Variants in CHRNB2 observed in about 807,000 individuals in gnomAD.
CHRNB2 encodes neuronal acetylcholine receptor subunit beta-2.
In CHRNB2, 33 loss-of-function variants were observed where a neutral mutation model predicts 42.7. The ratio of observed to expected loss-of-function variants is 0.77; its 90% CI spans 0.59 to 1.03. The LOEUF is 1.03. Among genes scored for constraint, CHRNB2 ranks in the 50% least tolerant of loss-of-function variants. The pLI is 0.00. For missense variants in CHRNB2, 603 were observed against 700.9 expected, an observed-to-expected ratio of 0.86 and a Z score of 1.58; for synonymous variants, 325 against 292.9, an observed-to-expected ratio of 1.11 and a Z score of -1.12.
At chr1:154,568,942 C>T (rs531969995) in intron 1 of CHRNB2, among the ~76,000 whole-genome samples, 7 of 151,870 alleles carry the variant, frequency 4.6e-5, no homozygotes, top group East Asian at 2.0e-4. Context: ...CATGTCATTA[C>T]GTGAGGCACA....
Position 154,570,240 on chromosome 1 carries a change from C to T in CHRNB2, c.256-18C>T. The T allele has an allele frequency of 6.4e-7, 1 of 1,561,742 alleles. No individual in the cohort carries two copies. The highest frequency in any genetic ancestry group is 8.8e-7 in the Non-Finnish European group (1 of 1,136,880). On this transcript the variant is annotated intron_variant, in intron 3 of 5. Transcript: ENST00000368476. Reference sequence around the variant, plus strand: ...CCCAGGGCACAAGTTGGTACTGCCTCCCTCTCTCATTTCCCAGGAGTGGGA... The same window carrying T: ...CCCAGGGCACAAGTTGGTACTGCCTTCCTCTCTCATTTCCCAGGAGTGGGA...
At chr1:154,569,895 C>G (rs1204127083) in intron 3 of CHRNB2, 59 bp downstream of exon 3, 2 of 1,593,540 alleles carry the variant, frequency 1.3e-6, no homozygotes, top group African/African-American at 2.7e-5. Flanking sequence ...TCCTTTTTCC[C>G]CATGTGCTTT....
chr1:154,568,252 G>A (rs1452854537), intron 1 of CHRNB2, 144 bp downstream of exon 1: 2 of 1,001,242 alleles, frequency 2.0e-6, no homozygotes, highest in East Asian at 2.7e-5. Flanking sequence ...GGTTAGGGGA[G>A]AGCCCCCCGG....
chr1:154,569,902 C>CT lies in CHRNB2; in HGVS notation c.255+72dup, dbSNP rs1038719447. The CT allele has an allele frequency of 8.2e-6, 13 of 1,577,712 alleles. No individual in the cohort carries two copies. The Admixed American group carries it at 2.0e-4, about 24-fold the overall frequency. Reference sequence around the variant, plus strand: ...CTCTCTCCTCCTTTTTCCCCATGTGCTTTTTTCTTTCTTAATCTCTCAAAA... The same window carrying CT: ...CTCTCTCCTCCTTTTTCCCCATGTGCTTTTTTTCTTTCTTAATCTCTCAAAA... On this transcript the variant is annotated intron_variant, in intron 3 of 5. Coordinates refer to ENST00000368476, the MANE Select transcript of CHRNB2 (RefSeq NM_000748.3).
chr1:154,575,305 G>A (rs1696250861), intron 5 of CHRNB2, among the ~76,000 whole-genome samples: 1 of 152,218 alleles, frequency 6.6e-6, no homozygotes, highest in Non-Finnish European at 1.5e-5. Context: ...AGTGCAGAGG[G>A]AACCCAGAGC....
intron 5 of CHRNB2, among the ~76,000 whole-genome samples, chr1:154,574,574 T>C (rs1053441426): frequency 6.6e-6 from 1 of 150,646 alleles, no homozygotes; most frequent in African/African-American, 2.5e-5. Flanking sequence ...GCTGGTTCTC[T>C]CTCACTCATC....
intron 2 of CHRNB2, 29 bp downstream of exon 2, chr1:154,569,636 A>G: frequency 1.2e-6 from 2 of 1,614,018 alleles, no homozygotes; most frequent in East Asian, 2.2e-5. Context: ...CTCTCTGCCC[A>G]GCTACTGAAA....
At position 154,569,488 on chromosome 1, in the gene CHRNB2, C is replaced by CGGCT; in HGVS notation, c.94_97dup (p.Val33AlafsTer23). 1.2e-6 allele frequency: 2 copies of CGGCT among 1,613,774 alleles called. No individual in the cohort carries two copies. Among genetic ancestry groups the CGGCT allele is most frequent in the Non-Finnish European group, 1.7e-6 (2 of 1,179,934 alleles). ...GGTGTGGGGTACGGATACAGAGGAG[C>CGGCT]GGCTGGTGGAGCATCTCCTGGATCC... On this transcript the variant is annotated frameshift_variant, in exon 2 of 6. Transcript: ENST00000368476. LOFTEE classifies it high-confidence loss of function.
intron 5 of CHRNB2, among the ~76,000 whole-genome samples, chr1:154,575,219 T>C (rs1265707079): frequency 6.6e-6 from 1 of 152,194 alleles, no homozygotes; most frequent in Non-Finnish European, 1.5e-5. Flanking sequence ...TAGGAACTTG[T>C]AGCTTAGTAG....
At chr1:154,569,722 G>T in intron 2 of CHRNB2, 70 bp from the exon 3 acceptor site, 1 of 1,612,684 alleles carries the variant, frequency 6.2e-7, no homozygotes, top group Non-Finnish European at 8.5e-7. Flanking sequence ...GGTGTGAGAG[G>T]GACCCTGGGT....
intron 5 of CHRNB2, among the ~76,000 whole-genome samples, chr1:154,573,905 C>G (rs1355166472): frequency 6.6e-6 from 1 of 152,144 alleles, no homozygotes; most frequent in African/African-American, 2.4e-5. Context: ...CCCGCCACCA[C>G]GCCCAGCTAA....
rs1014418263 is a variant in CHRNB2, at chr1:154,571,005, C to G, written c.366-184C>G. On this transcript the variant is annotated intron_variant, in intron 4 of 5. Coordinates refer to ENST00000368476, the MANE Select transcript of CHRNB2 (RefSeq NM_000748.3). This position sits in a 1 kb window ranked among gnomAD's most constrained non-coding sequence, Gnocchi z 6.8. Reference sequence around the variant, plus strand: ...TTCTTCTGGTCACTAACCTTCCCCCCCCTCCCCATATCCCCTTCTTGCTCA... The same window carrying G: ...TTCTTCTGGTCACTAACCTTCCCCCGCCTCCCCATATCCCCTTCTTGCTCA... Among the ~76,000 whole-genome samples the G allele has an allele frequency of 6.6e-6, 1 of 152,106 alleles. No individual in the cohort carries two copies. The highest frequency in any genetic ancestry group is 6.5e-5 in the Admixed American group (1 of 15,272).
intron 5 of CHRNB2, among the ~76,000 whole-genome samples, chr1:154,574,345 C>T (rs553805279): frequency 6.6e-6 from 1 of 152,086 alleles, no homozygotes; most frequent in East Asian, 1.9e-4. Flanking sequence ...TAAATTTTCC[C>T]GATTGTCCCA....
In CHRNB2 at chr1:154,571,603, C is replaced by T. The variant is rs369234693; in HGVS notation, c.780C>T (p.Ser260=). ...CCATCCTTGTCTTCTACCTGCCATC[C>T]GACTGTGGCGAGAAGATGACGTTGT... ...SLAILVFYLP[S]DCGEKMTLCI... The change falls in exon 5 of 6, where the codon TCC becomes TCT. Residue 260 remains serine (S), a synonymous_variant. Transcript: ENST00000368476. This position sits in a 1 kb window ranked among gnomAD's most constrained non-coding sequence, Gnocchi z 6.8. 30 of 1,614,100 alleles carry T rather than the reference C, an allele frequency of 1.9e-5. 1 individual carries two copies. In the East Asian group the frequency reaches 6.0e-4, roughly 32 times the overall value.
In CHRNB2 at chr1:154,576,245, T is replaced by C. The variant is rs2072660; in HGVS notation, c.*313T>C. On this transcript the variant is annotated 3_prime_UTR_variant, in exon 6 of 6. Coordinates refer to ENST00000368476, the MANE Select transcript of CHRNB2 (RefSeq NM_000748.3). ...CAGAGCCATCCACCCTGAGGAGTGA[T>C]GGGCAAGGGGCCAGGAAGGGGACAG... The C allele has an allele frequency of 0.74, 330,954 of 444,814 alleles. 124,117 individuals carry two copies. The highest frequency in any genetic ancestry group is 0.81 in the Middle Eastern group (1,206 of 1,498). 27.6% of individuals were successfully genotyped at this position (444,814 alleles called of 1,614,324 possible).
rs551094274 is a variant in CHRNB2 at position 154,575,810 on chromosome 1, C to T, written c.1387C>T (p.Leu463Phe). Residue 463 changes from leucine to phenylalanine, a missense_variant, in exon 6 of 6, where the codon CTC (leucine) becomes TTC (phenylalanine). Leu to Phe is a conservative substitution (Grantham distance 22). Transcript: ENST00000368476. ...CGCCATGGTGATCGACCGCCTCTTCCTCTGGATCTTTGTCTTTGTCTGTGT... is the reference window on the plus strand; with the variant it reads ...CGCCATGGTGATCGACCGCCTCTTCTTCTGGATCTTTGTCTTTGTCTGTGT... Reference protein sequence around the residue: ...YVAMVIDRLFLWIFVFVCVFG... With the variant: ...YVAMVIDRLFFWIFVFVCVFG... 3.7e-6 allele frequency: 6 copies of T among 1,614,194 alleles called. No individual in the cohort carries two copies. The South Asian group carries it at 5.5e-5, about 15-fold the overall frequency.
In CHRNB2 at chr1:154,579,000, G is replaced by C. The variant is rs1696335863; in HGVS notation, c.*3068G>C. On this transcript the variant is annotated 3_prime_UTR_variant, in exon 6 of 6. Coordinates refer to ENST00000368476, the MANE Select transcript of CHRNB2 (RefSeq NM_000748.3). ...TGCACAGGCTCTCTGCTTTTGACAGGTGGCGTTGCAGTGGGAGGAAGGCAG... is the reference window on the plus strand; with the variant it reads ...TGCACAGGCTCTCTGCTTTTGACAGCTGGCGTTGCAGTGGGAGGAAGGCAG... 6.6e-6 allele frequency: 1 copy of C among 152,234 alleles called. No homozygotes were observed. Among genetic ancestry groups the C allele is most frequent in the Non-Finnish European group, 1.5e-5 (1 of 68,058 alleles). The allele number at this position is 152,234 out of a possible 1,614,324, so 9.4% of individuals were successfully genotyped here.
intron 1 of CHRNB2, among the ~76,000 whole-genome samples, chr1:154,568,408 G>A (rs918996396): frequency 3.3e-5 from 5 of 152,192 alleles, no homozygotes; most frequent in Non-Finnish European, 5.9e-5. Context: ...CTCCCCAGGC[G>A]TCCTGGGGTG....
chr1:154,577,920 T>G lies in CHRNB2; in HGVS notation c.*1988T>G, dbSNP rs1363677065. The G allele has an allele frequency of 6.6e-6, 1 of 152,310 alleles. No homozygotes were observed. Among genetic ancestry groups the G allele is most frequent in the Non-Finnish European group, 1.5e-5 (1 of 68,136 alleles). 9.4% of individuals were successfully genotyped at this position (152,310 alleles called of 1,614,324 possible). A position where few individuals can be genotyped will look rare whatever the true frequency, so the allele number is the denominator to read the frequency against. ...TGTGCTCAGGGACCCCAGGCTCTAG[T>G]CCTGTACTGGCTGTGGAAGCCTATC... On this transcript the variant is annotated 3_prime_UTR_variant, in exon 6 of 6. Transcript: ENST00000368476.
Sources: allele counts gnomAD v4.1 joint callset (sites outside exome capture counted in the v4.1 genomes callset), GRCh38; gene constraint gnomAD v4.1.1; non-coding constraint Gnocchi (gnomAD v3.1); transcripts MANE v1.5; gene names NCBI Gene and HGNC (gene_info 2026-07-23, HGNC 2026-07-21).